The following MAF1 variants were observed in gnomAD, a reference collection of about 807,000 sequenced individuals.
MAF1 encodes MAF1 negative regulator of RNA polymerase III.
MAF1 carries 7 observed loss-of-function variants against 31.9 expected under a neutral mutation model. The ratio of observed to expected loss-of-function variants is 0.22; its 90% CI spans 0.12 to 0.41. The LOEUF is 0.41. Ranked by LOEUF, MAF1 falls within the 10% of genes least tolerant of loss-of-function variation. The pLI, the probability that MAF1 is intolerant of heterozygous loss-of-function variation, is 1.00. For synonymous variants in MAF1, 157 were observed against 120.0 expected (o/e 1.31, Z -2.02); for missense variants, 221 against 323.1 (o/e 0.68, Z 2.42).
chr8:144,105,544 C>T, intron 1 of MAF1, 96 bp from the exon 2 acceptor site: 2 of 702,206 alleles, frequency 2.8e-6, no homozygotes, highest in East Asian at 2.6e-5. Flanking sequence ...CCAGACTCAG[C>T]TTGTTCCTAG....
Position 144,107,451 on chromosome 8 carries a change from C to G in MAF1, c.*342C>G. On this transcript the variant is annotated 3_prime_UTR_variant, in exon 8 of 8. Coordinates refer to ENST00000322428, the MANE Select transcript of MAF1 (RefSeq NM_032272.5). ...GCCTGCACACTCCAGCCCAAAGGGTCTGTGGCCGGAGGCCCCACGAGCAGG... is the reference window on the plus strand; with the variant it reads ...GCCTGCACACTCCAGCCCAAAGGGTGTGTGGCCGGAGGCCCCACGAGCAGG... The G allele has an allele frequency of 1.7e-6, 1 of 582,538 alleles. No individual in the cohort carries two copies. The highest frequency in any genetic ancestry group is 3.1e-6 in the Non-Finnish European group (1 of 326,234). The allele number at this position is 582,538 out of a possible 1,614,324, so 36.1% of individuals were successfully genotyped here.
In MAF1 at chr8:144,106,204, G is replaced by A. The variant is rs374116632; in HGVS notation, c.341G>A (p.Arg114His). The A allele has an allele frequency of 5.0e-6, 8 of 1,613,740 alleles. No individual in the cohort carries two copies. The highest frequency in any genetic ancestry group is 2.7e-5 in the African/African-American group (2 of 75,036). ...FRPDYDFSTARSHEFSREPSL... is the reference protein window; with the variant it reads ...FRPDYDFSTAHSHEFSREPSL... Reference sequence around the variant, plus strand: ...CCTGACTATGACTTCAGCACAGCCCGCAGCCATGAGTTCAGCCGGGAGCCC... The same window carrying A: ...CCTGACTATGACTTCAGCACAGCCCACAGCCATGAGTTCAGCCGGGAGCCC... The change falls in exon 4 of 8, where the codon CGC becomes CAC. Residue 114 changes from arginine to histidine, a missense_variant. Coordinates refer to ENST00000322428, the MANE Select transcript of MAF1 (RefSeq NM_032272.5).
Position 144,107,513 on chromosome 8 carries a change from CGGT to C in MAF1, c.*406_*408del, listed in dbSNP as rs1836438927. ...ACCGGCTCTGGTCTTGGGCCGGCCC[CGGT>C]GCCCACCTGTACCCCCACCTCGCCC... is the stretch of plus-strand genomic sequence containing the variant. On this transcript the variant is annotated 3_prime_UTR_variant, in exon 8 of 8. Transcript: ENST00000322428. 1.7e-6 allele frequency: 1 copy of C among 596,022 alleles called. No homozygotes were observed. The highest frequency in any genetic ancestry group is 3.0e-6 in the Non-Finnish European group (1 of 334,362). The allele number at this position is 596,022 out of a possible 1,614,324, so 36.9% of individuals were successfully genotyped here. A position where few individuals can be genotyped will look rare whatever the true frequency, so the allele number is the denominator to read the frequency against.
intron 3 of MAF1, 29 bp downstream of exon 3, chr8:144,106,026 TG>T (rs777492504): frequency 6.2e-7 from 1 of 1,613,404 alleles, no homozygotes; most frequent in East Asian, 2.2e-5. Context: ...TACCTGGGGC[TG>T]GGGGTTGAGG....
At chr8:144,106,038 G>A (rs1165850906) in intron 3 of MAF1, 38 bp from the exon 4 acceptor site, 12 of 1,613,420 alleles carry the variant, frequency 7.4e-6, no homozygotes, top group South Asian at 1.1e-5. Flanking sequence ...GGGGTTGAGG[G>A]GAGGTGATGG....
intron 6 of MAF1, 65 bp from the exon 7 acceptor site, chr8:144,106,770 C>G (rs1836422591): frequency 6.4e-7 from 1 of 1,567,178 alleles, no homozygotes. Flanking sequence ...CCCTGAACAT[C>G]CTCCCTGGGG....
chr8:144,105,816 C>T (rs1471022374), intron 2 of MAF1, 50 bp downstream of exon 2: 2 of 1,612,892 alleles, frequency 1.2e-6, no homozygotes. Flanking sequence ...CTGCCGCGCC[C>T]TTCAGTGGAA....
In MAF1 at chr8:144,106,082, C is replaced by T. The variant is rs555628524; in HGVS notation, c.219C>T (p.Ser73=). 6 of 1,613,644 alleles carry T rather than the reference C, an allele frequency of 3.7e-6. No homozygotes were observed. In the Admixed American group the frequency reaches 5.0e-5, roughly 13 times the overall value. ...QTSGLSPSRL[S]KSQGGEEEGP... ...GATGGTTCTGTCTGTGCAGACTCAG[C>T]AAAAGCCAAGGCGGTGAGGAGGAGG... Residue 73 remains serine, a synonymous_variant, in exon 4 of 8, where the codon AGC becomes AGT. Transcript: ENST00000322428.
At position 144,104,850 on chromosome 8, in the gene MAF1, G is replaced by C. The variant is rs1306636366; in HGVS notation, c.-53G>C. On this transcript the variant is annotated 5_prime_UTR_variant, in exon 1 of 8. Coordinates refer to ENST00000322428, the MANE Select transcript of MAF1 (RefSeq NM_032272.5). ...GCCCGGCGCGGCCTGATCTAACCCA[G>C]CCAGGCAGGTGGGTGTCCGCCCTGC... 1 of 152,302 alleles carries C rather than the reference G, an allele frequency of 6.6e-6. No individual in the cohort carries two copies. The highest frequency in any genetic ancestry group is 1.5e-5 in the Non-Finnish European group (1 of 68,116). The allele number at this position is 152,302 out of a possible 1,614,324, so 9.4% of individuals were successfully genotyped here. A position where few individuals can be genotyped will look rare whatever the true frequency, so the allele number is the denominator to read the frequency against.
Position 144,106,883 on chromosome 8 carries a change from G to C in MAF1, c.669G>C (p.Glu223Asp), listed in dbSNP as rs1836424937. ...AGGCAGGCAACGAGCTGGACATGGA[G>C]CTGGGGGAGGAGGAGGTGGAGGAAG... ...PSEAGNELDMELGEEEVEEES... is the reference protein window; with the variant it reads ...PSEAGNELDMDLGEEEVEEES... The change falls in exon 7 of 8, where the codon GAG becomes GAC. Residue 223 changes from glutamate to aspartate, a missense_variant. This residue lies in a region of MAF1 where 75 missense variants were observed against 60.1 expected (regional missense o/e 1.25). Transcript: ENST00000322428. The C allele has an allele frequency of 6.5e-7, 1 of 1,532,962 alleles. No individual in the cohort carries two copies. The highest frequency in any genetic ancestry group is 1.4e-5 in the African/African-American group (1 of 72,150). 95.0% of individuals were successfully genotyped at this position (1,532,962 alleles called of 1,614,324 possible).
chr8:144,106,773 C>A (rs1836422741), intron 6 of MAF1, 62 bp from the exon 7 acceptor site: 1 of 1,561,788 alleles, frequency 6.4e-7, no homozygotes, highest in Non-Finnish European at 8.7e-7. Flanking sequence ...TGAACATCCT[C>A]CCTGGGGCCA....
In MAF1 at chr8:144,107,527, AC is replaced by A. The variant is rs1162238918; in HGVS notation, c.*423del. The A allele has an allele frequency of 1.7e-6, 1 of 598,868 alleles. No homozygotes were observed. The highest frequency in any genetic ancestry group is 3.0e-6 in the Non-Finnish European group (1 of 333,074). 37.1% of individuals were successfully genotyped at this position (598,868 alleles called of 1,614,324 possible). On this transcript the variant is annotated 3_prime_UTR_variant, in exon 8 of 8. Coordinates refer to ENST00000322428, the MANE Select transcript of MAF1 (RefSeq NM_032272.5). ...TGGGCCGGCCCCGGTGCCCACCTGT[AC>A]CCCCACCTCGCCCATTTGGCCGCGT...
At position 144,105,613 on chromosome 8, in the gene MAF1, C is replaced by A. The variant is rs1836395720; in HGVS notation, c.-44-27C>A. 4.3e-6 allele frequency: 6 copies of A among 1,401,986 alleles called. No individual in the cohort carries two copies. The South Asian group carries it at 4.6e-5, about 11-fold the overall frequency. The allele number at this position is 1,401,986 out of a possible 1,614,324, so 86.8% of individuals were successfully genotyped here. ...AGGGCCCCAAGGGGCCAGATAGATA[C>A]CCATGGTCTGGTCTCTCACTCCCCA... On this transcript the variant is annotated intron_variant, in intron 1 of 7. Transcript: ENST00000322428.
chr8:144,107,192 C>A lies in MAF1; in HGVS notation c.*83C>A. 6.7e-7 allele frequency: 1 copy of A among 1,497,062 alleles called. No individual in the cohort carries two copies. Among genetic ancestry groups the A allele is most frequent in the Non-Finnish European group, 9.1e-7 (1 of 1,098,414 alleles). The allele number at this position is 1,497,062 out of a possible 1,614,324, so 92.7% of individuals were successfully genotyped here. A position where few individuals can be genotyped will look rare whatever the true frequency, so the allele number is the denominator to read the frequency against. On this transcript the variant is annotated 3_prime_UTR_variant, in exon 8 of 8. Transcript: ENST00000322428. ...ACCTGAGAGGCCCCTGGGGCCTCCC[C>A]AGCTGCTGGCCAGACCCTGGCGCTG...
rs914605217 is a variant in MAF1, at chr8:144,105,605, G to C, written c.-44-35G>C. 18 of 1,356,840 alleles carry C rather than the reference G, an allele frequency of 1.3e-5. No individual in the cohort carries two copies. In the African/African-American group the frequency reaches 2.0e-4, roughly 15 times the overall value. 84.1% of individuals were successfully genotyped at this position (1,356,840 alleles called of 1,614,324 possible). A position where few individuals can be genotyped will look rare whatever the true frequency, so the allele number is the denominator to read the frequency against. On this transcript the variant is annotated intron_variant, in intron 1 of 7. Coordinates refer to ENST00000322428, the MANE Select transcript of MAF1 (RefSeq NM_032272.5). ...CTGAAGGCAGGGCCCCAAGGGGCCA[G>C]ATAGATACCCATGGTCTGGTCTCTC...
chr8:144,104,480 G>A lies in MAF1; in HGVS notation c.-423G>A, dbSNP rs1836367450. 1 of 152,218 alleles carries A rather than the reference G, an allele frequency of 6.6e-6. No individual in the cohort carries two copies. 9.4% of individuals were successfully genotyped at this position (152,218 alleles called of 1,614,324 possible). On this transcript the variant is annotated 5_prime_UTR_variant, in exon 1 of 8. Transcript: ENST00000322428. Reference sequence around the variant, plus strand: ...CGGGCCATTCAGAGGCGCGGGGCCGGGCCCGGCGGACGCTTGTTGTTGTCC... The same window carrying A: ...CGGGCCATTCAGAGGCGCGGGGCCGAGCCCGGCGGACGCTTGTTGTTGTCC...
Position 144,105,624 on chromosome 8 carries a change from G to T in MAF1, c.-44-16G>T. ...GGGCCAGATAGATACCCATGGTCTG[G>T]TCTCTCACTCCCCAGGCAATACTAG... On this transcript the variant is annotated splice_polypyrimidine_tract_variant and intron_variant, in intron 1 of 7. Coordinates refer to ENST00000322428, the MANE Select transcript of MAF1 (RefSeq NM_032272.5). The T allele has an allele frequency of 6.7e-7, 1 of 1,484,488 alleles. No homozygotes were observed. Among genetic ancestry groups the T allele is most frequent in the Non-Finnish European group, 9.4e-7 (1 of 1,064,038 alleles). The allele number at this position is 1,484,488 out of a possible 1,614,324, so 92.0% of individuals were successfully genotyped here.
In MAF1 at chr8:144,107,447, G is replaced by C. The variant is rs1282959016; in HGVS notation, c.*338G>C. ...CTGGGCCTGCACACTCCAGCCCAAA[G>C]GGTCTGTGGCCGGAGGCCCCACGAG... On this transcript the variant is annotated 3_prime_UTR_variant, in exon 8 of 8. Coordinates refer to ENST00000322428, the MANE Select transcript of MAF1 (RefSeq NM_032272.5). 3.4e-6 allele frequency: 2 copies of C among 581,402 alleles called. No individual in the cohort carries two copies. The highest frequency in any genetic ancestry group is 1.9e-5 in the African/African-American group (1 of 53,524). 36.0% of individuals were successfully genotyped at this position (581,402 alleles called of 1,614,324 possible). A position where few individuals can be genotyped will look rare whatever the true frequency, so the allele number is the denominator to read the frequency against.
intron 1 of MAF1, 27 bp downstream of exon 1, chr8:144,104,885 C>G (rs923228198): frequency 6.6e-6 from 1 of 152,272 alleles, no homozygotes; most frequent in African/African-American, 2.4e-5. Flanking sequence ...CGTCCCGCGC[C>G]GTCTGCGTAC....
Sources: allele counts gnomAD v4.1 joint callset, GRCh38; gene constraint gnomAD v4.1.1; regional missense constraint gnomAD v4.1.1; transcripts MANE v1.5; gene names NCBI Gene and HGNC (gene_info 2026-07-23, HGNC 2026-07-21).